TSPAN11: variants seen among roughly 807,000 people sequenced by gnomAD.
TSPAN11 encodes tetraspanin-11.
In TSPAN11, 29 loss-of-function variants were observed where a neutral mutation model predicts 32.9. The ratio of observed to expected loss-of-function variants is 0.88; its 90% CI spans 0.66 to 1.20. TSPAN11 has a LOEUF of 1.20. TSPAN11 is among the 50% of genes most tolerant of loss of function. TSPAN11 has a pLI of 0.00. For synonymous variants in TSPAN11, 140 were observed against 141.3 expected, an observed-to-expected ratio of 0.99 and a Z score of 0.07; for missense variants, 283 against 329.1, an observed-to-expected ratio of 0.86 and a Z score of 1.08.
At chr12:30,934,384 G>A (rs149668602) in intron 1 of TSPAN11, among the ~76,000 whole-genome samples, 241 of 152,336 alleles carry the variant, frequency 1.6e-3, no homozygotes, top group Middle Eastern at 3.4e-3. Flanking sequence ...CTTCTCTGGC[G>A]TCTTAGTCCA....
intron 3 of TSPAN11, among the ~76,000 whole-genome samples, chr12:30,964,804 A>G (rs1364980390): frequency 6.6e-6 from 1 of 152,240 alleles, no homozygotes; most frequent in Non-Finnish European, 1.5e-5. Context: ...GTTGACCCAT[A>G]AACTGTTGTT....
intron 2 of TSPAN11, among the ~76,000 whole-genome samples, chr12:30,959,008 G>A (rs1309816163): frequency 6.6e-6 from 1 of 152,076 alleles, no homozygotes; most frequent in Non-Finnish European, 1.5e-5. Context: ...TTTGTGGACT[G>A]CCCCTTTAAA....
At chr12:31,012,040 C>T in the TSPAN11 span, among the ~76,000 whole-genome samples, 1 of 152,384 alleles carries the variant, frequency 6.6e-6, no homozygotes, top group Non-Finnish European at 1.5e-5. Flanking sequence ...GGTCCATGCA[C>T]AGCTCACTCC....
intron 3 of TSPAN11, among the ~76,000 whole-genome samples, chr12:30,974,205 C>T (rs532169627): frequency 1.8e-4 from 28 of 152,352 alleles, no homozygotes; most frequent in Non-Finnish European, 3.8e-4. Flanking sequence ...TTTTGTGGCT[C>T]CCACAGTGCA....
At chr12:30,976,350 T>C (rs928337422) in intron 3 of TSPAN11, among the ~76,000 whole-genome samples, 1 of 152,134 alleles carries the variant, frequency 6.6e-6, no homozygotes, top group African/African-American at 2.4e-5. Context: ...CCCATGCAAC[T>C]CTTGCTGAGC....
chr12:30,964,604 A>C (rs111317852), intron 3 of TSPAN11, among the ~76,000 whole-genome samples: 1,559 of 152,150 alleles, frequency 0.01, 39 homozygotes, highest in African/African-American at 0.034. Context: ...CACCCTGCCC[A>C]CTTCCTAACC....
intron 1 of TSPAN11, among the ~76,000 whole-genome samples, chr12:30,949,450 A>G (rs1938335889): frequency 6.6e-6 from 1 of 152,204 alleles, no homozygotes; most frequent in African/African-American, 2.4e-5. Flanking sequence ...CACTTCTTAC[A>G]TGGTGGCAGC....
downstream of TSPAN11, among the ~76,000 whole-genome samples, chr12:31,000,929 T>A (rs1592505210): frequency 6.6e-6 from 1 of 152,028 alleles, no homozygotes; most frequent in South Asian, 2.1e-4. Context: ...TAAATCTAGT[T>A]AACCACAAAG....
the TSPAN11 span, among the ~76,000 whole-genome samples, chr12:31,004,819 C>T: frequency 6.6e-6 from 1 of 152,202 alleles, no homozygotes; most frequent in African/African-American, 2.4e-5. Context: ...AGCACAGGGA[C>T]CTGCCAGCTC....
intron 3 of TSPAN11, among the ~76,000 whole-genome samples, chr12:30,973,794 A>G (rs1201767378): frequency 6.6e-6 from 1 of 152,246 alleles, no homozygotes; most frequent in Admixed American, 6.5e-5. Context: ...TTCAAAAAGC[A>G]ATACCAAACC....
the TSPAN11 span, among the ~76,000 whole-genome samples, chr12:31,016,452 GAAAGA>G: frequency 4.4e-3 from 672 of 151,856 alleles, 5 homozygotes; most frequent in Middle Eastern, 0.034. Context: ...AAAGCTGGTA[GAAAGA>G]AAAGAAAAGG....
intron 3 of TSPAN11, among the ~76,000 whole-genome samples, chr12:30,970,635 C>T (rs1308729602): frequency 1.3e-5 from 2 of 152,158 alleles, no homozygotes; most frequent in Non-Finnish European, 2.9e-5. Context: ...CAGTATCAGA[C>T]ATTGGCCAGA....
intron 1 of TSPAN11, among the ~76,000 whole-genome samples, chr12:30,946,324 T>G (rs1427300862): frequency 6.6e-6 from 1 of 152,198 alleles, no homozygotes; most frequent in African/African-American, 2.4e-5. Flanking sequence ...CCCAGCAATT[T>G]GTGTTTTAAC....
At position 30,992,209 on chromosome 12, in the gene TSPAN11, ACT is replaced by A. The variant is rs1939329199; in HGVS notation, c.*295_*296del. 3 of 490,770 alleles carry A rather than the reference ACT, an allele frequency of 6.1e-6. No homozygotes were observed. Among genetic ancestry groups the A allele is most frequent in the Non-Finnish European group, 1.1e-5 (3 of 270,936 alleles). The allele number at this position is 490,770 out of a possible 1,614,324, so 30.4% of individuals were successfully genotyped here. On this transcript the variant is annotated 3_prime_UTR_variant, in exon 8 of 8. Coordinates refer to ENST00000546076, the MANE Select transcript of TSPAN11 (RefSeq NM_001370302.1). ...TCACCAGGAACGGGGGCACCCGTGG[ACT>A]ACGGGAGGGTGGCGGTTGGGTTCTC...
the TSPAN11 span, among the ~76,000 whole-genome samples, chr12:31,003,452 G>A: frequency 6.6e-6 from 1 of 152,224 alleles, no homozygotes; most frequent in Admixed American, 6.5e-5. Flanking sequence ...CTGGGGGGTG[G>A]CTGGGGGAGC....
chr12:30,957,640 C>T (rs1938511174), intron 2 of TSPAN11, among the ~76,000 whole-genome samples: 1 of 118,820 alleles, frequency 8.4e-6, no homozygotes, highest in African/African-American at 4.9e-5. Context: ...TCCCTCCCTC[C>T]CTCCCTCCCT....
At chr12:30,957,366 G>T (rs527713915) in intron 2 of TSPAN11, among the ~76,000 whole-genome samples, 1 of 152,130 alleles carries the variant, frequency 6.6e-6, no homozygotes, top group South Asian at 2.1e-4. Context: ...GATGAAGCCT[G>T]GGATAACCCC....
chr12:31,016,001 C>T, the TSPAN11 span, among the ~76,000 whole-genome samples: 953 of 152,270 alleles, frequency 6.3e-3, 8 homozygotes, highest in African/African-American at 0.022. Context: ...CCACTTAGTT[C>T]CTACCTGCCT....
intron 1 of TSPAN11, among the ~76,000 whole-genome samples, chr12:30,949,261 T>C (rs144057579): frequency 6.6e-6 from 1 of 152,102 alleles, no homozygotes; most frequent in African/African-American, 2.4e-5. Flanking sequence ...AAAGTTGCTT[T>C]CACATTTTCT....
Sources: gnomAD v4.1 joint callset for allele counts (sites outside exome capture counted in the v4.1 genomes callset) on GRCh38, gnomAD v4.1.1 for gene constraint, MANE v1.5 for transcripts, NCBI Gene and HGNC (gene_info 2026-07-23, HGNC 2026-07-21) for gene names.